The following WDR17 variants were observed in gnomAD, a reference collection of about 807,000 sequenced individuals.
The protein encoded by WDR17 is WD repeat-containing protein 17.
WDR17 carries 143 observed loss-of-function variants against 161.7 expected under a neutral mutation model. The ratio of observed to expected loss-of-function variants is 0.88; its 90% CI spans 0.77 to 1.02. WDR17 has a LOEUF of 1.02. Ranked by LOEUF, WDR17 falls within the 50% of genes least tolerant of loss-of-function variation. WDR17 has a pLI of 0.00. For missense variants in WDR17, 1,469 were observed against 1,520.9 expected, an observed-to-expected ratio of 0.97 and a Z score of 0.57; for synonymous variants, 517 against 515.6, an observed-to-expected ratio of 1.00 and a Z score of -0.04.
At chr4:176,109,648 T>A (rs1739379507) in intron 1 of WDR17, among the ~76,000 whole-genome samples, 1 of 152,174 alleles carries the variant, frequency 6.6e-6, no homozygotes, top group South Asian at 2.1e-4. Flanking sequence ...AGAACGTAGT[T>A]TCGTAAATAA....
chr4:176,160,760 T>G, intron 19 of WDR17, 151 bp from the exon 20 acceptor site: 2 of 667,746 alleles, frequency 3.0e-6, no homozygotes, highest in Non-Finnish European at 4.7e-6. Flanking sequence ...ACAATTAACA[T>G]CTCATTTCTC....
intron 1 of WDR17, among the ~76,000 whole-genome samples, chr4:176,076,424 T>TTG (rs397808146): frequency 2.0e-5 from 3 of 148,156 alleles, no homozygotes; most frequent in African/African-American, 7.5e-5. Flanking sequence ...TTTTTTTTTT[T>TTG]GGCTGCATCT....
intron 17 of WDR17, 139 bp from the exon 18 acceptor site, chr4:176,155,938 CAG>C (rs1252821550): frequency 2.0e-5 from 14 of 697,052 alleles, no homozygotes; most frequent in Admixed American, 3.6e-5. Context: ...AAAAAGAAGT[CAG>C]AAAGTACCAA....
At chr4:176,116,703 G>T (rs1439768338) in intron 3 of WDR17, among the ~76,000 whole-genome samples, 1 of 151,800 alleles carries the variant, frequency 6.6e-6, no homozygotes, top group Non-Finnish European at 1.5e-5. Flanking sequence ...AACTGGACAT[G>T]ACAATCTCAC....
intron 4 of WDR17, among the ~76,000 whole-genome samples, chr4:176,124,178 T>A (rs1320185255): frequency 6.6e-6 from 1 of 152,234 alleles, no homozygotes; most frequent in Non-Finnish European, 1.5e-5. Flanking sequence ...ACGATACTTA[T>A]GACTAATTGG....
Position 176,160,978 on chromosome 4 carries a change from A to C in WDR17, c.2726A>C (p.Asp909Ala). ...SVPKGASYSD[D>A]IYKEDFNELL... ...CCTAAAGGAGCTTCATATTCTGATG[A>C]TATCTACAAGGAAGACTTTAATGAG... The change falls in exon 20 of 29, where the codon GAT becomes GCT. Residue 909 changes from aspartate (D) to alanine (A), a missense_variant. Physicochemically the swap from Asp to Ala is moderately radical, Grantham distance 126. Transcript: ENST00000508596. 4 of 1,610,314 alleles carry C rather than the reference A, an allele frequency of 2.5e-6. No homozygotes were observed. The highest frequency in any genetic ancestry group is 3.4e-6 in the Non-Finnish European group (4 of 1,178,312).
intron 23 of WDR17, among the ~76,000 whole-genome samples, chr4:176,170,191 A>G (rs1411214762): frequency 1.3e-5 from 2 of 152,152 alleles, no homozygotes; most frequent in Non-Finnish European, 2.9e-5. Context: ...TTTTATTTAT[A>G]TCATTTAGGA....
chr4:176,149,213 AC>A (rs1392405239), intron 13 of WDR17, among the ~76,000 whole-genome samples: 1 of 151,246 alleles, frequency 6.6e-6, no homozygotes, highest in East Asian at 1.9e-4. Flanking sequence ...TTCATCCATG[AC>A]CATTTGCTTT....
chr4:176,120,789 G>C (rs1741455149), intron 4 of WDR17, among the ~76,000 whole-genome samples: 1 of 151,540 alleles, frequency 6.6e-6, no homozygotes, highest in Non-Finnish European at 1.5e-5. Context: ...ATGGATGAAT[G>C]AAAGTGCTTT....
chr4:176,069,472 T>C (rs1561057222), intron 1 of WDR17, among the ~76,000 whole-genome samples: 1 of 152,202 alleles, frequency 6.6e-6, no homozygotes, highest in Non-Finnish European at 1.5e-5. Flanking sequence ...AATTGTCATG[T>C]TCGGATAAAT....
intron 6 of WDR17, among the ~76,000 whole-genome samples, chr4:176,131,005 C>CA (rs1161311881): frequency 6.6e-6 from 1 of 151,616 alleles, no homozygotes; most frequent in Admixed American, 6.6e-5. Flanking sequence ...AAAAAACAAA[C>CA]AAAAAAACAT....
intron 13 of WDR17, among the ~76,000 whole-genome samples, chr4:176,148,647 A>G (rs2126809219): frequency 6.6e-6 from 1 of 152,312 alleles, no homozygotes; most frequent in East Asian, 1.9e-4. Flanking sequence ...ATGGGCATAT[A>G]TACATGTATG....
At chr4:176,157,513 C>T (rs760734349) in intron 18 of WDR17, among the ~76,000 whole-genome samples, 1 of 152,218 alleles carries the variant, frequency 6.6e-6, no homozygotes, top group South Asian at 2.1e-4. Context: ...TTTAAGAATC[C>T]CCAGTGCTGT....
chr4:176,180,642 G>A lies in WDR17; in HGVS notation c.*1063G>A, dbSNP rs1022028834. On this transcript the variant is annotated 3_prime_UTR_variant, in exon 29 of 29. Coordinates refer to ENST00000508596, the MANE Select transcript of WDR17 (RefSeq NM_181265.4). ...GAGAATCCCTTGAACCTGGGAGGCA[G>A]AGGTTCCAGTGAGCCAAGATCGCAC... The A allele has an allele frequency of 6.6e-6, 1 of 152,228 alleles. No homozygotes were observed. Among genetic ancestry groups the A allele is most frequent in the African/African-American group, 2.4e-5 (1 of 41,438 alleles). The allele number at this position is 152,228 out of a possible 1,614,324, so 9.4% of individuals were successfully genotyped here.
intron 15 of WDR17, 126 bp from the exon 16 acceptor site, chr4:176,150,342 A>G: frequency 6.9e-7 from 1 of 1,447,146 alleles, no homozygotes; most frequent in Non-Finnish European, 9.2e-7. Flanking sequence ...AATACATGAG[A>G]TAACATGTAG....
At chr4:176,117,434 C>T (rs1394817465) in intron 3 of WDR17, among the ~76,000 whole-genome samples, 4 of 151,842 alleles carry the variant, frequency 2.6e-5, no homozygotes, top group Non-Finnish European at 5.9e-5. Flanking sequence ...AAATGTTGCA[C>T]GATATTATTG....
rs967784319 is a variant in WDR17 at position 176,133,178 on chromosome 4, A to T, written c.1098+1440A>T. 3.7e-3 allele frequency among the ~76,000 whole-genome samples: 294 copies of T among 79,730 alleles called. 2 individuals carry two copies. The highest frequency in any genetic ancestry group is 5.4e-3 in the African/African-American group (98 of 18,294). The allele number at this position is 79,730 out of a possible 152,430, so 52.3% of individuals were successfully genotyped here. A position where few individuals can be genotyped will look rare whatever the true frequency, so the allele number is the denominator to read the frequency against. On this transcript the variant is annotated intron_variant, in intron 7 of 28. Transcript: ENST00000508596. ...TCGAAGAAAAAAAAAACAATTTTTT[A>T]TTTTTATTTTTTTTTTTTTACCACT...
chr4:176,141,344 C>T (rs898573719), intron 10 of WDR17, among the ~76,000 whole-genome samples: 3 of 152,138 alleles, frequency 2.0e-5, no homozygotes, highest in African/African-American at 7.2e-5. Context: ...TGAACTACCT[C>T]ATTTTGAAGC....
rs570255569 is a variant in WDR17, at chr4:176,139,727, A to G, written c.1360-165A>G. On this transcript the variant is annotated intron_variant, in intron 9 of 28. Transcript: ENST00000508596. ...CTTTTAAATTGTGACAGCTTTAGAC[A>G]TTTTTAAAGTGTATAATCAGGTTTC... Among the ~76,000 whole-genome samples the G allele has an allele frequency of 2.3e-3, 345 of 152,160 alleles. 2 individuals are homozygous for G. The highest frequency in any genetic ancestry group is 3.4e-3 in the Middle Eastern group (1 of 294).
Sources: allele counts gnomAD v4.1 joint callset (sites outside exome capture counted in the v4.1 genomes callset), GRCh38; gene constraint gnomAD v4.1.1; transcripts MANE v1.5; gene names NCBI Gene and HGNC (gene_info 2026-07-23, HGNC 2026-07-21).